Variants in ASRGL1 observed in about 807,000 individuals in gnomAD.
The protein encoded by ASRGL1 is asparaginase and isoaspartyl peptidase 1, also known as isoaspartyl peptidase/L-asparaginase.
ASRGL1 carries 16 observed loss-of-function variants against 22.4 expected under a neutral mutation model. The ratio of observed to expected loss-of-function variants is 0.71; its 90% CI spans 0.48 to 1.08. The LOEUF is 1.08. ASRGL1 is among the 50% of genes least tolerant of loss of function. The pLI is 0.00. For missense variants in ASRGL1, 412 were observed against 410.1 expected (o/e 1.00, Z -0.04); for synonymous variants, 165 against 159.3 (o/e 1.04, Z -0.27).
At chr11:62,378,521 G>C (rs1335250453) in intron 4 of ASRGL1, among the ~76,000 whole-genome samples, 1 of 152,062 alleles carries the variant, frequency 6.6e-6, no homozygotes, top group Non-Finnish European at 1.5e-5. Flanking sequence ...TCATAATCCT[G>C]CTCCGCCAGA....
intron 4 of ASRGL1, among the ~76,000 whole-genome samples, chr11:62,379,317 G>GAAT (rs1216180699): frequency 6.6e-6 from 1 of 152,108 alleles, no homozygotes; most frequent in African/African-American, 2.4e-5. Context: ...TGTTTTCCTT[G>GAAT]AATAATGGCC....
At chr11:62,398,543 C>T in the ASRGL1 span, among the ~76,000 whole-genome samples, 4 of 152,180 alleles carry the variant, frequency 2.6e-5, no homozygotes, top group Non-Finnish European at 2.9e-5. Context: ...CCCGGGGGCT[C>T]GAACCCCCAA....
rs1033760994 is a variant in ASRGL1 at position 62,391,606 on chromosome 11, G to A, written c.695G>A (p.Arg232Lys). 6.2e-7 allele frequency: 1 copy of A among 1,611,200 alleles called. No homozygotes were observed. The highest frequency in any genetic ancestry group is 8.5e-7 in the Non-Finnish European group (1 of 1,178,666). ...GESILKVNLA[R>K]LTLFHIEQGK... The stretch of plus-strand genomic sequence containing the variant: ...AGCATCCTGAAGGTGAACCTGGCTA[G>A]ACTCACCCTGTTCCACATAGAACAA... The change falls in exon 6 of 7, where the codon AGA (arginine) becomes AAA (lysine). Residue 232 changes from arginine (R) to lysine (K), a missense_variant. Transcript: ENST00000415229.
rs1477828971 is a variant in ASRGL1 at position 62,392,751 on chromosome 11, C to G, written c.*467C>G. The G allele has an allele frequency of 5.6e-6, 1 of 179,068 alleles. No homozygotes were observed. 11.1% of individuals were successfully genotyped at this position (179,068 alleles called of 1,614,324 possible). ...GCAGTAGAAGCAGTGGTGGGCGAAG[C>G]CCAGGTGACCCTCAGAACGTTGCAC... On this transcript the variant is annotated 3_prime_UTR_variant, in exon 7 of 7. Coordinates refer to ENST00000415229, the MANE Select transcript of ASRGL1 (RefSeq NM_001083926.2).
At chr11:62,365,210 T>C (rs552503934) in intron 4 of ASRGL1, among the ~76,000 whole-genome samples, 11 of 152,224 alleles carry the variant, frequency 7.2e-5, no homozygotes, top group Non-Finnish European at 7.4e-5. Context: ...TGGAGAAGTA[T>C]AATATTAGGA....
intron 4 of ASRGL1, chr11:62,372,741 T>C (rs1946807336): frequency 1.3e-6 from 2 of 1,517,350 alleles, no homozygotes; most frequent in African/African-American, 2.7e-5. Context: ...GGTGAAGCTA[T>C]TTGACTTCCC....
chr11:62,385,939 G>A (rs961392570), intron 4 of ASRGL1, among the ~76,000 whole-genome samples: 1 of 151,542 alleles, frequency 6.6e-6, no homozygotes, highest in Non-Finnish European at 1.5e-5. Flanking sequence ...TGAGGTGGGT[G>A]GATCACAAGG....
At chr11:62,355,930 G>C (rs1054383103) in intron 2 of ASRGL1, among the ~76,000 whole-genome samples, 3 of 152,260 alleles carry the variant, frequency 2.0e-5, no homozygotes, top group East Asian at 1.9e-4. Context: ...GAGAGCACAG[G>C]GTTGGGGGTA....
intron 2 of ASRGL1, among the ~76,000 whole-genome samples, chr11:62,340,036 C>T (rs118049526): frequency 0.079 from 11,920 of 151,472 alleles, 591 homozygotes; most frequent in Non-Finnish European, 0.12. Context: ...CTGAGGTGGG[C>T]GGATCACTTG....
intron 2 of ASRGL1, among the ~76,000 whole-genome samples, chr11:62,343,105 C>T (rs986528249): frequency 1.3e-5 from 2 of 151,970 alleles, no homozygotes; most frequent in African/African-American, 2.4e-5. Context: ...TGGCCGGGCG[C>T]GGTGGCTCAC....
intron 4 of ASRGL1, among the ~76,000 whole-genome samples, chr11:62,367,752 G>A (rs1242113682): frequency 6.6e-6 from 1 of 151,864 alleles, no homozygotes; most frequent in Non-Finnish European, 1.5e-5. Context: ...GACCAGCCTG[G>A]CCAACATAGT....
chr11:62,347,138 C>T (rs1946047023), intron 2 of ASRGL1, among the ~76,000 whole-genome samples: 1 of 152,146 alleles, frequency 6.6e-6, no homozygotes, highest in Non-Finnish European at 1.5e-5. Flanking sequence ...CCTCCACAAC[C>T]TGTATATCAG....
downstream of ASRGL1, among the ~76,000 whole-genome samples, chr11:62,395,491 G>A (rs115459095): frequency 6.6e-6 from 1 of 152,160 alleles, no homozygotes; most frequent in Non-Finnish European, 1.5e-5. Context: ...CCTTGATCTC[G>A]TAGCTGTTGC....
At chr11:62,346,092 G>A (rs1946013502) in intron 2 of ASRGL1, among the ~76,000 whole-genome samples, 1 of 152,136 alleles carries the variant, frequency 6.6e-6, no homozygotes, top group Non-Finnish European at 1.5e-5. Context: ...CAGGTTCAGG[G>A]CTCAGTCCCG....
At chr11:62,379,328 T>C (rs958035632) in intron 4 of ASRGL1, among the ~76,000 whole-genome samples, 8 of 152,158 alleles carry the variant, frequency 5.3e-5, no homozygotes, top group African/African-American at 1.7e-4. Flanking sequence ...AATAATGGCC[T>C]TACACACAGG....
downstream of ASRGL1, among the ~76,000 whole-genome samples, chr11:62,396,786 A>G (rs953007367): frequency 4.6e-5 from 7 of 151,130 alleles, no homozygotes; most frequent in South Asian, 1.0e-3. Flanking sequence ...TTTTTTTTTT[A>G]ATCACTGATC....
intron 4 of ASRGL1, among the ~76,000 whole-genome samples, chr11:62,362,891 A>ATTTTTTTTTTTTTTTTTTTTTTT (rs60507577): frequency 2.0e-5 from 1 of 50,366 alleles, no homozygotes; most frequent in African/African-American, 9.7e-5. Context: ...AAAGGATTTA[A>ATTTTTTTTTTTTTTTTTTTTTTT]TTTTTTTTTT....
intron 5 of ASRGL1, among the ~76,000 whole-genome samples, chr11:62,390,374 C>T (rs917765690): frequency 4.6e-5 from 7 of 152,228 alleles, no homozygotes; most frequent in Non-Finnish European, 7.3e-5. Context: ...AGGCCCCTGC[C>T]TGGACAGTCA....
chr11:62,378,179 T>G (rs1020044890), intron 4 of ASRGL1, among the ~76,000 whole-genome samples: 8 of 152,318 alleles, frequency 5.3e-5, no homozygotes, highest in African/African-American at 1.7e-4. Flanking sequence ...ATTTCTATTT[T>G]TTGTAGCTTA....
Sources: gnomAD v4.1 joint callset for allele counts (sites outside exome capture counted in the v4.1 genomes callset) on GRCh38, gnomAD v4.1.1 for gene constraint, MANE v1.5 for transcripts, NCBI Gene and HGNC (gene_info 2026-07-23, HGNC 2026-07-21) for gene names.